Variants in ABHD12 observed in about 807,000 individuals in gnomAD.
ABHD12 encodes abhydrolase domain containing 12, lysophospholipase.
Under a neutral mutation model 58.3 loss-of-function variants are expected in ABHD12, and 43 were observed. The ratio of observed to expected loss-of-function variants is 0.74; its 90% confidence interval spans 0.58 to 0.95. The LOEUF (loss-of-function observed/expected upper bound fraction) is 0.95, where lower values mean the gene tolerates loss of function less well. Among genes scored for constraint, ABHD12 ranks in the 40% least tolerant of loss-of-function variants. ABHD12 has a pLI of 0.00. For synonymous variants in ABHD12, 219 were observed against 211.2 expected (o/e 1.04, Z -0.32); for missense variants, 539 against 537.2 (o/e 1.00, Z -0.03).
intron 2 of ABHD12, among the ~76,000 whole-genome samples, chr20:25,335,325 G>A (rs2089345514): frequency 6.7e-6 from 1 of 150,116 alleles, no homozygotes; most frequent in Non-Finnish European, 1.5e-5. Context: ...TGGAGAGGAT[G>A]TGGAGAAATA....
chr20:25,370,856 T>G (rs1469843026), intron 1 of ABHD12, among the ~76,000 whole-genome samples: 1 of 151,914 alleles, frequency 6.6e-6, no homozygotes, highest in Non-Finnish European at 1.5e-5. Flanking sequence ...TGACTTTTTT[T>G]TTTTTTTTTG....
At chr20:25,302,743 C>G (rs1474185179) in intron 11 of ABHD12, among the ~76,000 whole-genome samples, 1 of 152,200 alleles carries the variant, frequency 6.6e-6, no homozygotes, top group African/African-American at 2.4e-5. Context: ...CCCTCCCCCT[C>G]TCATTTCGGC....
intron 1 of ABHD12, among the ~76,000 whole-genome samples, chr20:25,344,694 T>C (rs958011633): frequency 6.6e-6 from 1 of 152,110 alleles, no homozygotes; most frequent in African/African-American, 2.4e-5. Flanking sequence ...GGCAAAAGAC[T>C]CAGGATAGAC....
intron 1 of ABHD12, among the ~76,000 whole-genome samples, chr20:25,383,892 T>C (rs1036833347): frequency 1.4e-5 from 2 of 146,148 alleles, no homozygotes; most frequent in East Asian, 2.0e-4. Flanking sequence ...CACACGGAGG[T>C]TGCAGTGAGC....
intron 1 of ABHD12, among the ~76,000 whole-genome samples, chr20:25,351,425 G>T (rs2089598679): frequency 6.6e-6 from 1 of 152,160 alleles, no homozygotes; most frequent in South Asian, 2.1e-4. Context: ...ACCTTTTTCT[G>T]TTTCACAGTG....
intron 1 of ABHD12, among the ~76,000 whole-genome samples, chr20:25,366,637 T>G (rs1228717145): frequency 2.6e-5 from 4 of 152,226 alleles, no homozygotes; most frequent in Non-Finnish European, 5.9e-5. Flanking sequence ...ATTTCAAGAC[T>G]TTAGAATTTC....
intron 2 of ABHD12, among the ~76,000 whole-genome samples, chr20:25,325,203 C>CAAAAAA (rs376306392): frequency 3.9e-5 from 3 of 76,452 alleles, no homozygotes; most frequent in African/African-American, 5.0e-5. Context: ...GACCCTGTTT[C>CAAAAAA]AAAAAAAAAA....
At chr20:25,325,343 G>A (rs1471969924) in intron 2 of ABHD12, among the ~76,000 whole-genome samples, 6 of 152,118 alleles carry the variant, frequency 3.9e-5, no homozygotes, top group Admixed American at 3.9e-4. Flanking sequence ...AGGCCCGCCT[G>A]CCCTGTTATG....
intron 2 of ABHD12, among the ~76,000 whole-genome samples, chr20:25,325,966 G>T (rs1360432912): frequency 6.6e-6 from 1 of 151,704 alleles, no homozygotes; most frequent in African/African-American, 2.4e-5. Flanking sequence ...AGCTACTTGG[G>T]AGCCTGAGGC....
chr20:25,317,319 C>T (rs1015820514), intron 4 of ABHD12, among the ~76,000 whole-genome samples: 4 of 152,188 alleles, frequency 2.6e-5, no homozygotes, highest in African/African-American at 9.7e-5. Context: ...GTAATGCACA[C>T]CTACAGCCCC....
intron 1 of ABHD12, among the ~76,000 whole-genome samples, chr20:25,375,939 G>C (rs1008076817): frequency 2.0e-5 from 3 of 152,034 alleles, no homozygotes; most frequent in Non-Finnish European, 2.9e-5. Flanking sequence ...TGGCTAACAC[G>C]GTGAAACCCC....
chr20:25,372,028 A>ATC (rs1310219058), intron 1 of ABHD12, among the ~76,000 whole-genome samples: 2 of 151,466 alleles, frequency 1.3e-5, no homozygotes, highest in African/African-American at 4.9e-5. Flanking sequence ...TAGAGAGGGG[A>ATC]TCTTTCTCTG....
At chr20:25,353,877 C>CA (rs1319903505) in intron 1 of ABHD12, among the ~76,000 whole-genome samples, 1 of 152,184 alleles carries the variant, frequency 6.6e-6, no homozygotes, top group Non-Finnish European at 1.5e-5. Flanking sequence ...TTCTGCTCAT[C>CA]AAAGAATGAC....
At position 25,307,869 on chromosome 20, in the gene ABHD12, C is replaced by T. The variant is rs884613; in HGVS notation, c.867+97G>A. The T allele has an allele frequency of 0.49, 241,173 of 494,466 alleles. 65,927 individuals are homozygous for T. Among genetic ancestry groups the T allele is most frequent in the African/African-American group, 0.78 (37,440 of 48,066 alleles). The allele number at this position is 494,466 out of a possible 1,614,324, so 30.6% of individuals were successfully genotyped here. A position where few individuals can be genotyped will look rare whatever the true frequency, so the allele number is the denominator to read the frequency against. ...TGTATTCATTAGAATATTTAAATAA[C>T]AATTTTTAATAATTATTATAATGTA... On this transcript the variant is annotated intron_variant, in intron 9 of 12. Transcript: ENST00000339157.
At chr20:25,305,419 G>T (rs909506205) in intron 10 of ABHD12, among the ~76,000 whole-genome samples, 36 of 149,398 alleles carry the variant, frequency 2.4e-4, no homozygotes, top group African/African-American at 8.6e-4. Flanking sequence ...CTGGAGTGCA[G>T]TGGCGCGATC....
At chr20:25,362,140 C>T (rs1480647830) in intron 1 of ABHD12, among the ~76,000 whole-genome samples, 1 of 152,026 alleles carries the variant, frequency 6.6e-6, no homozygotes, top group Admixed American at 6.5e-5. Context: ...ATTAGCTGGG[C>T]GTGGTGGCAC....
chr20:25,348,203 C>CT (rs2089546501), intron 1 of ABHD12, among the ~76,000 whole-genome samples: 1 of 150,512 alleles, frequency 6.6e-6, no homozygotes, highest in South Asian at 2.1e-4. Flanking sequence ...GAGCAAGACT[C>CT]TGTCTCAAAA....
chr20:25,300,922 T>C, intron 12 of ABHD12, 38 bp from the exon 13 acceptor site: 2 of 1,604,918 alleles, frequency 1.2e-6, no homozygotes, highest in South Asian at 1.1e-5. Context: ...TCATTTGAGC[T>C]CAGACCAAAG....
chr20:25,350,959 TCA>T (rs61061019), intron 1 of ABHD12, among the ~76,000 whole-genome samples: 7,413 of 141,906 alleles, frequency 0.052, 217 homozygotes, highest in East Asian at 0.2. Flanking sequence ...TACGAATCCT[TCA>T]CACACACACA....
Sources: allele counts gnomAD v4.1 joint callset (sites outside exome capture counted in the v4.1 genomes callset), GRCh38; gene constraint gnomAD v4.1.1; transcripts MANE v1.5; gene names NCBI Gene and HGNC (gene_info 2026-07-23, HGNC 2026-07-21).